Variants in ZNF324B observed in about 807,000 individuals in gnomAD.
ZNF324B encodes the protein zinc finger protein 324B.
ZNF324B carries 7 observed loss-of-function variants against 10.6 expected under a neutral mutation model. That is an observed-to-expected ratio of 0.66 (90% confidence interval 0.38 to 1.24). The LOEUF is 1.24. Ranked by LOEUF, ZNF324B falls within the 50% of genes most tolerant of loss-of-function variation. The probability of loss-of-function intolerance (pLI) is 0.02; values close to 1 mark genes in which losing one functional copy is unlikely to be tolerated. For missense variants in ZNF324B, 640 were observed against 764.7 expected (o/e 0.84, Z 1.92); for synonymous variants, 316 against 321.0 (o/e 0.98, Z 0.17).
At chr19:58,432,702 C>G in the ZNF324B span, 1 of 169,306 alleles carries the variant, frequency 5.9e-6, no homozygotes, top group African/African-American at 2.4e-5. Flanking sequence ...GACAGAGCAA[C>G]TACCCGCTCT....
chr19:58,435,348 G>C, the ZNF324B span: 3 of 934,932 alleles, frequency 3.2e-6, no homozygotes, highest in Non-Finnish European at 4.7e-6. Context: ...GCCATCATCA[G>C]GGTGAAGAAG....
chr19:58,432,276 T>C, the ZNF324B span: 2 of 516,738 alleles, frequency 3.9e-6, no homozygotes, highest in Non-Finnish European at 7.7e-6. Context: ...GTGAAGTGAA[T>C]GTACATGACA....
At chr19:58,431,719 C>T in the ZNF324B span, among the ~76,000 whole-genome samples, 64 of 152,276 alleles carry the variant, frequency 4.2e-4, no homozygotes, top group African/African-American at 1.2e-3. Flanking sequence ...CGGCCAGGTG[C>T]GGTGGCTCAT....
At chr19:58,451,883 G>C (rs891034548) in intron 1 of ZNF324B, 179 bp downstream of exon 1, 1 of 253,138 alleles carries the variant, frequency 4.0e-6, no homozygotes, top group Non-Finnish European at 7.9e-6. Flanking sequence ...TGAGGCGCGG[G>C]GCAGCCGCGG....
upstream of ZNF324B, among the ~76,000 whole-genome samples, chr19:58,449,854 C>T (rs951292338): frequency 3.3e-5 from 5 of 152,122 alleles, no homozygotes; most frequent in African/African-American, 9.7e-5. Flanking sequence ...GGACTGTGGA[C>T]TTTTGAGCTA....
At chr19:58,436,968 T>A in the ZNF324B span, 2 of 1,601,078 alleles carry the variant, frequency 1.2e-6, no homozygotes, top group South Asian at 2.2e-5. Context: ...ATGATCTGGC[T>A]TTGGGATGAA....
chr19:58,430,954 G>T, the ZNF324B span: 2 of 152,178 alleles, frequency 1.3e-5, no homozygotes, highest in Non-Finnish European at 2.9e-5. Context: ...ATGGAGAAAG[G>T]AAGGCCTTTC....
Position 58,453,757 on chromosome 19 carries a change from A to C in ZNF324B, c.56A>C (p.Asp19Ala). 6.2e-7 allele frequency: 1 copy of C among 1,614,184 alleles called. No individual in the cohort carries two copies. The highest frequency in any genetic ancestry group is 2.2e-5 in the East Asian group (1 of 44,876). ...YFSQEEWGLLDTAQRALYRHV... is the reference protein window; with the variant it reads ...YFSQEEWGLLATAQRALYRHV... ...TCCCAGGAGGAGTGGGGGCTCCTGG[A>C]CACAGCGCAGAGGGCCCTGTACCGC... Residue 19 changes from aspartate to alanine, a missense_variant, in exon 2 of 4, where the codon GAC becomes GCC. By Grantham distance (126) the Asp-to-Ala change is moderately radical (BLOSUM62 -2). Transcript: ENST00000336614.
At chr19:58,441,457 TAGA>T in the ZNF324B span, 3 of 152,180 alleles carry the variant, frequency 2.0e-5, no homozygotes, top group Admixed American at 2.0e-4. Flanking sequence ...TTTGCTACCT[TAGA>T]TAAGTGGAAT....
At chr19:58,425,821 TAGTA>T in the ZNF324B span, among the ~76,000 whole-genome samples, 2 of 152,192 alleles carry the variant, frequency 1.3e-5, no homozygotes, top group East Asian at 3.8e-4. Context: ...AAAGGTCACA[TAGTA>T]GGTAGGATTT....
chr19:58,447,825 A>G (rs531122695), upstream of ZNF324B, among the ~76,000 whole-genome samples: 1 of 152,330 alleles, frequency 6.6e-6, no homozygotes, highest in Non-Finnish European at 1.5e-5. Flanking sequence ...GTGGGAGATA[A>G]GTGAGTCATG....
the ZNF324B span, among the ~76,000 whole-genome samples, chr19:58,420,127 CA>C: frequency 6.6e-6 from 1 of 151,944 alleles, no homozygotes; most frequent in African/African-American, 2.4e-5. Flanking sequence ...ACTAAAAATA[CA>C]AAAAAATTGG....
the ZNF324B span, among the ~76,000 whole-genome samples, chr19:58,446,362 C>G: frequency 1.3e-5 from 2 of 152,166 alleles, no homozygotes; most frequent in Non-Finnish European, 2.9e-5. Flanking sequence ...AGCTATCACA[C>G]CACTGGGTCC....
the ZNF324B span, chr19:58,437,059 C>G: frequency 6.2e-7 from 1 of 1,614,152 alleles, no homozygotes. Flanking sequence ...AGTGAGGTCA[C>G]AAGCTCAAGG....
At chr19:58,437,567 CCTTT>C in the ZNF324B span, among the ~76,000 whole-genome samples, 86 of 152,326 alleles carry the variant, frequency 5.6e-4, 2 homozygotes, top group East Asian at 0.016. Context: ...TTTGGGCTTC[CCTTT>C]CTTAAGCCTC....
chr19:58,450,479 A>C (rs988710288), upstream of ZNF324B, among the ~76,000 whole-genome samples: 3 of 151,994 alleles, frequency 2.0e-5, no homozygotes, highest in African/African-American at 7.3e-5. Flanking sequence ...AAAAAAAAAA[A>C]AAAGTAAAAA....
chr19:58,427,504 T>TTTTCTTTCTTTC, the ZNF324B span, among the ~76,000 whole-genome samples: 6 of 104,466 alleles, frequency 5.7e-5, no homozygotes, highest in African/African-American at 2.6e-4. Flanking sequence ...CTTTCTTTCT[T>TTTTCTTTCTTTC]TTTCTTTCTT....
chr19:58,433,787 C>A, the ZNF324B span: 2 of 1,613,956 alleles, frequency 1.2e-6, no homozygotes, highest in South Asian at 2.2e-5. Context: ...GAGCTGTGAG[C>A]AAAGGCTTTC....
the ZNF324B span, chr19:58,440,938 C>T: frequency 6.6e-6 from 1 of 152,342 alleles, no homozygotes; most frequent in South Asian, 2.1e-4. Flanking sequence ...TCCTAAGTCT[C>T]CGATTGAGAA....
Sources: gnomAD v4.1 joint callset for allele counts (sites outside exome capture counted in the v4.1 genomes callset) on GRCh38, gnomAD v4.1.1 for gene constraint, MANE v1.5 for transcripts, NCBI Gene and HGNC (gene_info 2026-07-23, HGNC 2026-07-21) for gene names.